The following CCDC171 variants were observed in gnomAD, a reference collection of about 807,000 sequenced individuals.
The protein encoded by CCDC171 is coiled-coil domain-containing protein 171.
CCDC171 carries 177 observed loss-of-function variants against 168.2 expected under a neutral mutation model. That is an observed-to-expected ratio of 1.05 (90% CI 0.93 to 1.19). The LOEUF (loss-of-function observed/expected upper bound fraction) is 1.19. Among genes scored for constraint, CCDC171 ranks in the 50% most tolerant of loss-of-function variants. The pLI is 0.00. For missense variants in CCDC171, 1,991 were observed against 1,539.0 expected, an observed-to-expected ratio of 1.29 and a Z score of -4.91; for synonymous variants, 687 against 540.8, an observed-to-expected ratio of 1.27 and a Z score of -3.75.
At chr9:15,789,805 A>G (rs1020526572) in intron 21 of CCDC171, among the ~76,000 whole-genome samples, 1 of 132,490 alleles carries the variant, frequency 7.5e-6, no homozygotes, top group Non-Finnish European at 1.5e-5. Flanking sequence ...CCTGTGTCCA[A>G]GTGTTCTCAT....
chr9:15,788,218 C>G (rs2058068677), intron 21 of CCDC171, among the ~76,000 whole-genome samples: 1 of 152,196 alleles, frequency 6.6e-6, no homozygotes, highest in African/African-American at 2.4e-5. Context: ...CAAATCCCAG[C>G]TCTGTTGCTT....
intron 18 of CCDC171, among the ~76,000 whole-genome samples, chr9:15,769,807 C>T (rs1185166592): frequency 6.6e-6 from 1 of 152,162 alleles, no homozygotes; most frequent in Non-Finnish European, 1.5e-5. Flanking sequence ...TTTCAGTATT[C>T]TCTAAATACG....
chr9:15,953,831 A>T (rs567427068), intron 25 of CCDC171, among the ~76,000 whole-genome samples: 45 of 152,066 alleles, frequency 3.0e-4, no homozygotes, highest in African/African-American at 1.1e-3. Flanking sequence ...AAGGTTTTTG[A>T]TTACTGAGTC....
chr9:15,922,582 A>G (rs1825469813), intron 25 of CCDC171, among the ~76,000 whole-genome samples: 1 of 151,680 alleles, frequency 6.6e-6, no homozygotes, highest in South Asian at 2.1e-4. Flanking sequence ...CTTTGGATAT[A>G]TACCCAGTTG....
intron 21 of CCDC171, among the ~76,000 whole-genome samples, chr9:15,814,070 G>C (rs540109130): frequency 7.0e-4 from 107 of 152,300 alleles, no homozygotes; most frequent in Non-Finnish European, 1.2e-3. Context: ...ACACTTGTGG[G>C]ATTCCTTTGG....
chr9:15,762,444 A>G (rs1381855211), intron 18 of CCDC171, among the ~76,000 whole-genome samples: 2 of 152,214 alleles, frequency 1.3e-5, no homozygotes, highest in Admixed American at 1.3e-4. Flanking sequence ...ATGGTAGCCT[A>G]CACACTTGTG....
Position 16,018,052 on chromosome 9 carries a change from G to A in CCDC171, n.369-2537G>A, listed in dbSNP as rs761448062. Among the ~76,000 whole-genome samples the A allele has an allele frequency of 5.2e-4, 79 of 152,294 alleles. 1 individual carries two copies. Among genetic ancestry groups the A allele is most frequent in the Non-Finnish European group, 8.1e-4 (55 of 68,032 alleles). On this transcript the variant is annotated intron_variant and non_coding_transcript_variant, in intron 3 of 9. Transcript: ENST00000486641. ...AACATCCAGAATCATAGCTGCAAGG[G>A]AGTCCAATAAATGTAGTTTTAAGAT...
chr9:16,067,232 A>G, the CCDC171 span, among the ~76,000 whole-genome samples: 1 of 151,682 alleles, frequency 6.6e-6, no homozygotes, highest in Admixed American at 6.6e-5. Flanking sequence ...GCATTTTTTC[A>G]TGTGTTTTTT....
At chr9:15,781,480 C>T (rs1279163680) in intron 20 of CCDC171, among the ~76,000 whole-genome samples, 6 of 152,118 alleles carry the variant, frequency 3.9e-5, no homozygotes, top group African/African-American at 1.4e-4. Flanking sequence ...TGCAGTGGTA[C>T]GATCTCAGCT....
chr9:15,798,099 T>G (rs2058647847), intron 21 of CCDC171, among the ~76,000 whole-genome samples: 1 of 152,168 alleles, frequency 6.6e-6, no homozygotes, highest in Non-Finnish European at 1.5e-5. Context: ...GTCCTTTAAC[T>G]TTGCTCTTTT....
chr9:16,064,158 A>G (rs1028988215), downstream of CCDC171, among the ~76,000 whole-genome samples: 1 of 152,200 alleles, frequency 6.6e-6, no homozygotes, highest in Admixed American at 6.5e-5. Context: ...GAGACCCTGC[A>G]TGGAGGCAGC....
chr9:15,625,167 GATTTT>G (rs2044954396), intron 7 of CCDC171, among the ~76,000 whole-genome samples: 1 of 152,046 alleles, frequency 6.6e-6, no homozygotes, highest in African/African-American at 2.4e-5. Context: ...GGGGTTGTTT[GATTTT>G]TTCTTGTAAA....
At chr9:15,991,754 C>A (rs1832207869) in intron 3 of CCDC171, among the ~76,000 whole-genome samples, 1 of 152,088 alleles carries the variant, frequency 6.6e-6, no homozygotes, top group Non-Finnish European at 1.5e-5. Context: ...GATATCACCA[C>A]CAACCCCACA....
intron 24 of CCDC171, among the ~76,000 whole-genome samples, chr9:15,895,356 A>G (rs763520673): frequency 1.3e-5 from 2 of 152,106 alleles, no homozygotes; most frequent in African/African-American, 4.8e-5. Context: ...GAGAAAGTCA[A>G]AGTAACTGTG....
chr9:16,046,464 A>G (rs1833661050), intron 1 of CCDC171, among the ~76,000 whole-genome samples: 1 of 152,204 alleles, frequency 6.6e-6, no homozygotes, highest in Admixed American at 6.5e-5. Flanking sequence ...AAAGTTCTCA[A>G]AATAGCCAAA....
At chr9:15,742,503 G>A (rs76607917) in intron 16 of CCDC171, among the ~76,000 whole-genome samples, 2,676 of 152,194 alleles carry the variant, frequency 0.018, 97 homozygotes, top group African/African-American at 0.061. Context: ...ATTTTTCCTT[G>A]AAGTGTGCCT....
At chr9:15,559,244 TA>T (rs199808447) in intron 1 of CCDC171, among the ~76,000 whole-genome samples, 3,643 of 152,252 alleles carry the variant, frequency 0.024, 151 homozygotes, top group African/African-American at 0.084. Flanking sequence ...AGATGTCTGT[TA>T]GGTCTGCTTG....
chr9:15,570,500 C>G (rs185185894), intron 2 of CCDC171, among the ~76,000 whole-genome samples: 43 of 152,078 alleles, frequency 2.8e-4, no homozygotes, highest in Admixed American at 6.5e-4. Flanking sequence ...GCTTATTAAA[C>G]TTTTGGTGAT....
intron 7 of CCDC171, among the ~76,000 whole-genome samples, chr9:15,624,388 T>G (rs951318525): frequency 2.6e-5 from 4 of 152,154 alleles, no homozygotes; most frequent in African/African-American, 7.2e-5. Flanking sequence ...TATGTATACA[T>G]GTGCCATGTT....
Sources: gnomAD v4.1 joint callset for allele counts (sites outside exome capture counted in the v4.1 genomes callset) on GRCh38, gnomAD v4.1.1 for gene constraint, MANE v1.5 for transcripts, NCBI Gene and HGNC (gene_info 2026-07-23, HGNC 2026-07-21) for gene names.